Variants in LMO7 observed in about 807,000 individuals in gnomAD.
LMO7 encodes LIM domain 7.
Under a neutral mutation model 206.5 loss-of-function variants are expected in LMO7, and 120 were observed. That is an observed-to-expected ratio of 0.58 (90% CI 0.50 to 0.68). The LOEUF is 0.68. Ranked by LOEUF, LMO7 falls within the 30% of genes least tolerant of loss-of-function variation. The pLI, the probability that LMO7 is intolerant of heterozygous loss-of-function variation, is 0.00. For missense variants in LMO7, 1,959 were observed against 1,957.9 expected (o/e 1.00, Z -0.01); for synonymous variants, 706 against 681.5 (o/e 1.04, Z -0.56).
At chr13:75,709,767 T>C (rs1246900663) in intron 1 of LMO7, among the ~76,000 whole-genome samples, 1 of 152,202 alleles carries the variant, frequency 6.6e-6, no homozygotes, top group Non-Finnish European at 1.5e-5. Flanking sequence ...ACTCTGATGG[T>C]AGTTTCTTTT....
chr13:75,752,352 C>T (rs1392320986), intron 3 of LMO7, among the ~76,000 whole-genome samples: 3 of 151,980 alleles, frequency 2.0e-5, no homozygotes, highest in Non-Finnish European at 2.9e-5. Flanking sequence ...AGGCTGGTCT[C>T]GAACTCCTGA....
chr13:75,719,370 T>A (rs1421716099), intron 2 of LMO7, among the ~76,000 whole-genome samples: 1 of 152,198 alleles, frequency 6.6e-6, no homozygotes, highest in Non-Finnish European at 1.5e-5. Context: ...CCATCTCGGT[T>A]GCTTCTCAGT....
intron 26 of LMO7, 110 bp downstream of exon 26, chr13:75,845,489 A>G (rs2059916091): frequency 1.6e-6 from 1 of 621,764 alleles, no homozygotes; most frequent in Non-Finnish European, 2.8e-6. Flanking sequence ...AGATTACTTA[A>G]TTAAAATACT....
At chr13:75,728,538 T>C (rs2044724329) in intron 3 of LMO7, among the ~76,000 whole-genome samples, 1 of 144,156 alleles carries the variant, frequency 6.9e-6, no homozygotes, top group South Asian at 2.3e-4. Flanking sequence ...CTTTGTCAGA[T>C]GAGTAGGTTG....
chr13:75,723,338 A>G (rs564286208), intron 2 of LMO7, among the ~76,000 whole-genome samples: 1 of 148,842 alleles, frequency 6.7e-6, no homozygotes, highest in Admixed American at 6.6e-5. Flanking sequence ...GAAAGATATT[A>G]GAAATATTCA....
At chr13:75,836,048 T>A (rs2059090245) in intron 18 of LMO7, among the ~76,000 whole-genome samples, 1 of 152,162 alleles carries the variant, frequency 6.6e-6, no homozygotes. Context: ...CTTACTATAT[T>A]GTATAAGAAA....
chr13:75,832,809 A>G (rs893034488), intron 15 of LMO7, among the ~76,000 whole-genome samples: 1 of 152,220 alleles, frequency 6.6e-6, no homozygotes, highest in East Asian at 1.9e-4. Context: ...TAAAGTATTA[A>G]TATGAAGAAA....
chr13:75,694,147 T>C (rs1053111685), intron 1 of LMO7, among the ~76,000 whole-genome samples: 13 of 152,334 alleles, frequency 8.5e-5, no homozygotes, highest in African/African-American at 3.1e-4. Flanking sequence ...GAAGAGAAGA[T>C]GAGCAGATGA....
intron 2 of LMO7, among the ~76,000 whole-genome samples, chr13:75,720,077 C>T (rs1053465812): frequency 1.3e-5 from 2 of 152,022 alleles, no homozygotes; most frequent in Non-Finnish European, 2.9e-5. Flanking sequence ...TTTACATGTC[C>T]CTGATAACAT....
chr13:75,746,108 G>A (rs1451922298), intron 3 of LMO7, among the ~76,000 whole-genome samples: 1 of 152,170 alleles, frequency 6.6e-6, no homozygotes, highest in African/African-American at 2.4e-5. Flanking sequence ...TGATGGAAGA[G>A]TGTATAGGAG....
At chr13:75,671,810 T>C (rs2039607952) in intron 1 of LMO7, among the ~76,000 whole-genome samples, 1 of 152,112 alleles carries the variant, frequency 6.6e-6, no homozygotes, top group African/African-American at 2.4e-5. Flanking sequence ...AGGTCATCTC[T>C]GGAGCTCAAG....
At chr13:75,820,241 G>T (rs2057439250) in intron 13 of LMO7, among the ~76,000 whole-genome samples, 1 of 152,172 alleles carries the variant, frequency 6.6e-6, no homozygotes, top group South Asian at 2.1e-4. Flanking sequence ...TATTTTGGGA[G>T]GTAGGTATTC....
intron 1 of LMO7, among the ~76,000 whole-genome samples, chr13:75,700,430 A>G (rs1251625015): frequency 3.9e-5 from 6 of 152,212 alleles, no homozygotes; most frequent in Non-Finnish European, 8.8e-5. Flanking sequence ...AAATCTTCAC[A>G]ATTTATGTTC....
chr13:75,840,260 GC>G (rs2139193084), intron 21 of LMO7, 130 bp from the exon 22 acceptor site: 1 of 1,372,178 alleles, frequency 7.3e-7, no homozygotes, highest in Admixed American at 1.9e-5. Context: ...AAAATTCAAA[GC>G]CAGCTCTCCC....
At chr13:75,790,285 C>T (rs954544870) in intron 4 of LMO7, among the ~76,000 whole-genome samples, 5 of 152,144 alleles carry the variant, frequency 3.3e-5, no homozygotes, top group African/African-American at 1.2e-4. Context: ...CTTGAATTGT[C>T]TCACTTACTT....
At chr13:75,681,517 T>C (rs1164111811) in intron 1 of LMO7, among the ~76,000 whole-genome samples, 1 of 151,686 alleles carries the variant, frequency 6.6e-6, no homozygotes, top group Non-Finnish European at 1.5e-5. Context: ...TATGTAACTG[T>C]CAGTCCAACA....
chr13:75,637,318 G>C (rs542187007), intron 1 of LMO7, among the ~76,000 whole-genome samples: 1 of 152,222 alleles, frequency 6.6e-6, no homozygotes, highest in East Asian at 1.9e-4. Context: ...TTCATTTTCG[G>C]CTTTGATGAG....
At chr13:75,660,314 A>G (rs933996928) in intron 1 of LMO7, among the ~76,000 whole-genome samples, 13 of 152,204 alleles carry the variant, frequency 8.5e-5, no homozygotes, top group African/African-American at 2.9e-4. Flanking sequence ...TATTTATCTT[A>G]CTGTAGCTTA....
At chr13:75,632,989 G>A (rs1286921020), upstream of LMO7, among the ~76,000 whole-genome samples, 1 of 149,320 alleles carries the variant, frequency 6.7e-6, no homozygotes, top group African/African-American at 2.5e-5. Context: ...AGCCTCCCAA[G>A]TAGCTAGAAT....
Sources: allele counts gnomAD v4.1 joint callset (sites outside exome capture counted in the v4.1 genomes callset), GRCh38; gene constraint gnomAD v4.1.1; transcripts MANE v1.5; gene names NCBI Gene and HGNC (gene_info 2026-07-23, HGNC 2026-07-21).